The following PCDH11X variants were observed in gnomAD, a reference collection of about 807,000 sequenced individuals.
The protein encoded by PCDH11X is protocadherin 11 X-linked.
PCDH11X carries 18 observed loss-of-function variants against 53.3 expected under a neutral mutation model. That is an observed-to-expected ratio of 0.34 (90% CI 0.23 to 0.50). The LOEUF is 0.50. PCDH11X is among the 20% of genes least tolerant of loss of function. The pLI, the probability that PCDH11X is intolerant of heterozygous loss-of-function variation, is 0.98. For synonymous variants in PCDH11X, 279 were observed against 393.3 expected, an observed-to-expected ratio of 0.71 and a Z score of 3.44; for missense variants, 570 against 1,032.4, an observed-to-expected ratio of 0.55 and a Z score of 6.14.
chrX:92,542,843 T>A (rs2074780335), intron 10 of PCDH11X, among the ~76,000 whole-genome samples: 1 of 111,504 alleles, frequency 9.0e-6, no homozygotes, highest in Non-Finnish European at 1.9e-5. Context: ...ATACATGATC[T>A]TTAAAAAAAT....
At chrX:92,564,924 A>T (rs1921283934) in intron 10 of PCDH11X, among the ~76,000 whole-genome samples, 1 of 110,818 alleles carries the variant, frequency 9.0e-6, no homozygotes, top group African/African-American at 3.3e-5. Flanking sequence ...ACTCTATACA[A>T]AGAAAATCTT....
chrX:92,001,100 A>T (rs2062501411), intron 6 of PCDH11X, among the ~76,000 whole-genome samples: 1 of 108,355 alleles, frequency 9.2e-6, no homozygotes, highest in East Asian at 2.9e-4. Context: ...ACACAGCAGT[A>T]GGATTGCAAG....
chrX:92,162,445 G>C (rs111945887), intron 6 of PCDH11X, among the ~76,000 whole-genome samples: 6,161 of 110,723 alleles, frequency 0.056, 447 homozygotes, highest in African/African-American at 0.19. Context: ...GCCTCCCTCG[G>C]CCTCTCAAAC....
chrX:92,360,760 C>T (rs2070327315), intron 8 of PCDH11X, among the ~76,000 whole-genome samples: 1 of 109,916 alleles, frequency 9.1e-6, no homozygotes, highest in East Asian at 2.9e-4. Context: ...CTGGGCACTG[C>T]AGGTCTTCAT....
At chrX:92,263,556 G>A (rs1390072798) in intron 8 of PCDH11X, among the ~76,000 whole-genome samples, 1 of 111,913 alleles carries the variant, frequency 8.9e-6, no homozygotes, top group Non-Finnish European at 1.9e-5. Context: ...TCACAGAGAA[G>A]AATTATATAA....
At chrX:91,963,891 C>A in intron 6 of PCDH11X, among the ~76,000 whole-genome samples, 1 of 109,631 alleles carries the variant, frequency 9.1e-6, no homozygotes, top group Non-Finnish European at 1.9e-5. Context: ...AAGGAAAAGC[C>A]CCTTATAAAA....
At chrX:92,189,280 T>C (rs1271339929) in intron 6 of PCDH11X, among the ~76,000 whole-genome samples, 1 of 111,400 alleles carries the variant, frequency 9.0e-6, no homozygotes, top group African/African-American at 3.3e-5. Context: ...TCATTGTTCA[T>C]CTTCCACTTA....
rs766189352 is a variant in PCDH11X, at chrX:92,104,345, G to A, written c.3034-97030G>A. On this transcript the variant is annotated intron_variant, in intron 6 of 10. Transcript: ENST00000682573. ...AGATTAGAAAGACTCAGCGACACTT[G>A]GGGTTGGTACTGAGGGGACAGGCGG... 2.7e-5 allele frequency among the ~76,000 whole-genome samples: 3 copies of A among 110,554 alleles called. No homozygotes were observed. In the South Asian group the frequency reaches 1.2e-3, roughly 44 times the overall value.
At chrX:91,897,706 T>C (rs1281733383) in intron 6 of PCDH11X, among the ~76,000 whole-genome samples, 1 of 106,729 alleles carries the variant, frequency 9.4e-6, no homozygotes, top group East Asian at 2.9e-4. Context: ...GTCAAAGATA[T>C]ACAATGCCAT....
At chrX:91,894,553 G>A (rs1940659156) in intron 6 of PCDH11X, among the ~76,000 whole-genome samples, 1 of 111,293 alleles carries the variant, frequency 9.0e-6, no homozygotes, top group Non-Finnish European at 1.9e-5. Context: ...TCTGATAGAG[G>A]CCAAAAGTAT....
intron 8 of PCDH11X, among the ~76,000 whole-genome samples, chrX:92,385,434 C>A (rs1569478629): frequency 9.5e-6 from 1 of 105,189 alleles, no homozygotes; most frequent in Non-Finnish European, 2.0e-5. Flanking sequence ...ACATTATTTC[C>A]CTGATAAATG....
chrX:92,295,684 C>A (rs1455477543), intron 8 of PCDH11X, among the ~76,000 whole-genome samples: 1 of 101,167 alleles, frequency 9.9e-6, no homozygotes, highest in Non-Finnish European at 2.0e-5. Flanking sequence ...TTCTTCTATT[C>A]CTGGTGTGTT....
chrX:91,833,481 G>A (rs746321950), intron 4 of PCDH11X, among the ~76,000 whole-genome samples: 2 of 110,972 alleles, frequency 1.8e-5, no homozygotes, highest in Non-Finnish European at 3.8e-5. Context: ...ACAGGCAACA[G>A]TGTTTTTGTG....
chrX:92,099,070 A>C (rs1016092623), intron 6 of PCDH11X, among the ~76,000 whole-genome samples: 2 of 112,168 alleles, frequency 1.8e-5, no homozygotes, highest in Non-Finnish European at 3.7e-5. Context: ...AGTAACTCAT[A>C]TCTATTTTAC....
intron 5 of PCDH11X, among the ~76,000 whole-genome samples, chrX:91,837,042 C>A (rs1420647394): frequency 4.7e-5 from 5 of 105,576 alleles, no homozygotes; most frequent in African/African-American, 1.4e-4. Flanking sequence ...AAATATTCTG[C>A]CAAACTATGA....
At chrX:92,540,033 A>G (rs2074730336) in intron 10 of PCDH11X, among the ~76,000 whole-genome samples, 1 of 110,633 alleles carries the variant, frequency 9.0e-6, no homozygotes, top group Non-Finnish European at 1.9e-5. Context: ...GAGTCTCACC[A>G]AAGTCCTACC....
At chrX:92,460,075 G>T in intron 9 of PCDH11X, 1 of 982,471 alleles carries the variant, frequency 1.0e-6, no homozygotes, top group Non-Finnish European at 1.4e-6. Flanking sequence ...GGACCTGAGG[G>T]CTCAGATCTT....
intron 6 of PCDH11X, among the ~76,000 whole-genome samples, chrX:92,111,219 TAAAAAAAAAAA>T (rs771823629): frequency 1.5e-4 from 3 of 19,817 alleles, no homozygotes; most frequent in Admixed American, 1.4e-3. Context: ...CACCTAACGC[TAAAAAAAAAAA>T]AAAAAAAAAA....
intron 6 of PCDH11X, among the ~76,000 whole-genome samples, chrX:92,111,594 A>G (rs6618860): frequency 0.058 from 6,376 of 110,518 alleles, 478 homozygotes; most frequent in African/African-American, 0.2. Flanking sequence ...TTTAGTCACA[A>G]CATTACTAAG....
Sources: allele counts gnomAD v4.1 joint callset (sites outside exome capture counted in the v4.1 genomes callset), GRCh38; gene constraint gnomAD v4.1.1; transcripts MANE v1.5; gene names NCBI Gene and HGNC (gene_info 2026-07-23, HGNC 2026-07-21).